KIF3C: variants seen among roughly 807,000 people sequenced by gnomAD.
KIF3C encodes the protein kinesin family member 3C.
A neutral mutation model predicts 67.7 loss-of-function variants in KIF3C; 12 were observed. That is an observed-to-expected ratio of 0.18 (90% CI 0.11 to 0.29). The LOEUF is 0.29. Ranked by LOEUF, KIF3C falls within the 10% of genes least tolerant of loss-of-function variation. KIF3C has a pLI of 1.00. For missense variants in KIF3C, 789 were observed against 1,059.6 expected (o/e 0.74, Z 3.55); for synonymous variants, 393 against 426.2 (o/e 0.92, Z 0.96).
intron 5 of KIF3C, among the ~76,000 whole-genome samples, chr2:25,947,511 G>A (rs1022741878): frequency 4.0e-5 from 6 of 151,868 alleles, no homozygotes; most frequent in African/African-American, 1.5e-4. Flanking sequence ...AACCCGGGAG[G>A]TGGAGCTTGC....
chr2:25,938,356 T>TC, intron 5 of KIF3C: 2 of 293,862 alleles, frequency 6.8e-6, no homozygotes, highest in South Asian at 4.4e-5. Context: ...AGTCTGAGTC[T>TC]CAAAAAAAAA....
chr2:25,954,524 C>G, intron 3 of KIF3C, 139 bp from the exon 4 acceptor site: 1 of 638,592 alleles, frequency 1.6e-6, no homozygotes, highest in South Asian at 1.9e-5. Flanking sequence ...TTCTGAACTC[C>G]CCGCTGTGCC....
chr2:25,952,300 CA>C (rs566701173), intron 4 of KIF3C, among the ~76,000 whole-genome samples: 7 of 146,646 alleles, frequency 4.8e-5, no homozygotes, highest in Non-Finnish European at 9.0e-5. Flanking sequence ...GACTCCGTCT[CA>C]AAAAAAAATA....
At chr2:25,959,147 C>T (rs72855195) in intron 1 of KIF3C, among the ~76,000 whole-genome samples, 19,652 of 152,166 alleles carry the variant, frequency 0.13, 1,396 homozygotes, top group African/African-American at 0.17. Context: ...TTCCTCCTCC[C>T]ACTCCACATC....
chr2:25,950,908 AG>A (rs1476130977), intron 5 of KIF3C, among the ~76,000 whole-genome samples: 30 of 150,914 alleles, frequency 2.0e-4, no homozygotes, highest in African/African-American at 7.4e-4. Flanking sequence ...AAAAAAAAAA[AG>A]AAGAAGAAAA....
chr2:25,960,069 C>G (rs959917934), intron 1 of KIF3C, among the ~76,000 whole-genome samples: 2 of 152,142 alleles, frequency 1.3e-5, no homozygotes, highest in Non-Finnish European at 2.9e-5. Context: ...GACACTTGCT[C>G]TCAAATATCA....
intron 5 of KIF3C, among the ~76,000 whole-genome samples, chr2:25,934,424 C>T (rs1224184556): frequency 6.6e-6 from 1 of 151,732 alleles, no homozygotes; most frequent in African/African-American, 2.4e-5. Context: ...GACAAAAATA[C>T]AAAAATTAGC....
At chr2:25,957,180 T>TC (rs1217386486) in intron 1 of KIF3C, among the ~76,000 whole-genome samples, 1 of 151,882 alleles carries the variant, frequency 6.6e-6, no homozygotes, top group Non-Finnish European at 1.5e-5. Flanking sequence ...ATGGTTTCCA[T>TC]CCCCCCCTAA....
At chr2:25,968,210 C>A (rs1177426523) in intron 1 of KIF3C, among the ~76,000 whole-genome samples, 1 of 152,126 alleles carries the variant, frequency 6.6e-6, no homozygotes, top group East Asian at 1.9e-4. Context: ...CCCTGGGAGA[C>A]AAAAATCAGG....
rs1287121302 is a variant in KIF3C at position 25,956,377 on chromosome 2, ATCT to A, written c.1610_1612del (p.Lys537del). On this transcript the variant is annotated inframe_deletion, in exon 2 of 8. Transcript: ENST00000264712. Reference sequence around the variant, plus strand: ...AATCTCCTGCCTCTTCAGTTCCAACATCTTCTGCTGTTCGTTGGTGTGATCCAT... The same window carrying A: ...AATCTCCTGCCTCTTCAGTTCCAACATCTGCTGTTCGTTGGTGTGATCCAT... 1 of 1,614,000 alleles carries A rather than the reference ATCT, an allele frequency of 6.2e-7. No individual in the cohort carries two copies. The highest frequency in any genetic ancestry group is 1.7e-5 in the Admixed American group (1 of 60,002).
intron 1 of KIF3C, among the ~76,000 whole-genome samples, chr2:25,956,829 G>A (rs1663817891): frequency 6.6e-6 from 1 of 152,182 alleles, no homozygotes; most frequent in African/African-American, 2.4e-5. Flanking sequence ...ACAGTCACCA[G>A]GTAGCCCAGC....
intron 1 of KIF3C, among the ~76,000 whole-genome samples, chr2:25,979,911 T>C (rs967417976): frequency 2.0e-5 from 3 of 152,334 alleles, no homozygotes; most frequent in South Asian, 2.1e-4. Flanking sequence ...GTATGGATCA[T>C]ATATATGGGG....
intron 5 of KIF3C, among the ~76,000 whole-genome samples, chr2:25,937,794 G>T (rs529406532): frequency 6.9e-4 from 105 of 152,150 alleles, no homozygotes; most frequent in African/African-American, 2.5e-3. Flanking sequence ...CTCACGGCAC[G>T]CCTGTAATCC....
At chr2:25,932,105 G>A (rs1274582784) in intron 5 of KIF3C, among the ~76,000 whole-genome samples, 2 of 150,010 alleles carry the variant, frequency 1.3e-5, no homozygotes, top group Admixed American at 6.7e-5. Context: ...TGGTTCAAGC[G>A]ATTCTCCTGC....
At chr2:25,929,656 C>A (rs1266730171) in intron 6 of KIF3C, among the ~76,000 whole-genome samples, 179 bp from the exon 7 acceptor site, 1 of 151,480 alleles carries the variant, frequency 6.6e-6, no homozygotes, top group Non-Finnish European at 1.5e-5. Flanking sequence ...CACTCTGTTG[C>A]CCAGGCTGGA....
intron 1 of KIF3C, among the ~76,000 whole-genome samples, chr2:25,964,318 T>A (rs1330039903): frequency 6.6e-6 from 1 of 152,044 alleles, no homozygotes; most frequent in African/African-American, 2.4e-5. Flanking sequence ...TAAAATAAAA[T>A]AAAAATAAAC....
At chr2:25,950,817 T>G (rs931030902) in intron 5 of KIF3C, among the ~76,000 whole-genome samples, 2 of 151,770 alleles carry the variant, frequency 1.3e-5, no homozygotes, top group African/African-American at 4.8e-5. Context: ...TGCTTGCCAC[T>G]TACAAACTTA....
rs113685857 is a variant in KIF3C at position 25,958,758 on chromosome 2, C to T, written c.1546-2314G>A. Among the ~76,000 whole-genome samples the T allele has an allele frequency of 8.5e-3, 1,288 of 152,228 alleles. 5 individuals are homozygous for T. The highest frequency in any genetic ancestry group is 0.012 in the Non-Finnish European group (830 of 67,994). ...ATTCATGCTCTGCGTATGCTCTGTACTCCAGCCTCACCAAGAGAATTCCAG... is the reference window on the plus strand; with the variant it reads ...ATTCATGCTCTGCGTATGCTCTGTATTCCAGCCTCACCAAGAGAATTCCAG... On this transcript the variant is annotated intron_variant, in intron 1 of 7. Coordinates refer to ENST00000264712, the MANE Select transcript of KIF3C (RefSeq NM_002254.8). This position sits in a 1 kb window ranked among gnomAD's most constrained non-coding sequence, Gnocchi z 4.5.
intron 5 of KIF3C, chr2:25,951,438 T>C (rs1663609725): frequency 3.9e-6 from 1 of 258,710 alleles, no homozygotes; most frequent in Admixed American, 5.1e-5. Flanking sequence ...TTAACTGTGG[T>C]TGCTATTTCG....
Sources: gnomAD v4.1 joint callset for allele counts (sites outside exome capture counted in the v4.1 genomes callset) on GRCh38, gnomAD v4.1.1 for gene constraint, Gnocchi (gnomAD v3.1) non-coding constraint, MANE v1.5 for transcripts, NCBI Gene and HGNC (gene_info 2026-07-23, HGNC 2026-07-21) for gene names.